Variants in SNX29 observed in about 807,000 individuals in gnomAD.
The protein encoded by SNX29 is sorting nexin-29.
SNX29 carries 78 observed loss-of-function variants against 102.1 expected under a neutral mutation model. That is an observed-to-expected ratio of 0.76 (90% CI 0.64 to 0.92). The LOEUF (loss-of-function observed/expected upper bound fraction) is 0.92, where lower values mean the gene tolerates loss of function less well. Ranked by LOEUF, SNX29 falls within the 40% of genes least tolerant of loss-of-function variation. The probability of loss-of-function intolerance (pLI) is 0.00; values close to 1 mark genes in which losing one functional copy is unlikely to be tolerated. For synonymous variants in SNX29, 580 were observed against 414.5 expected (o/e 1.40, Z -4.85); for missense variants, 1,280 against 1,061.7 (o/e 1.21, Z -2.86).
At chr16:12,227,120 T>G (rs2077634326) in intron 14 of SNX29, among the ~76,000 whole-genome samples, 1 of 144,606 alleles carries the variant, frequency 6.9e-6, no homozygotes, top group Admixed American at 7.1e-5. Flanking sequence ...ATTGCTGTTG[T>G]CATGCAGTGC....
chr16:12,142,687 C>T (rs1335547423), intron 13 of SNX29, among the ~76,000 whole-genome samples: 1 of 151,700 alleles, frequency 6.6e-6, no homozygotes, highest in Non-Finnish European at 1.5e-5. Flanking sequence ...GCTCAGCCTC[C>T]CAAGTAGCTG....
intron 8 of SNX29, among the ~76,000 whole-genome samples, chr16:12,058,988 C>T (rs141201704): frequency 2.0e-5 from 3 of 151,280 alleles, no homozygotes; most frequent in Non-Finnish European, 2.9e-5. Context: ...AGACAGGGCT[C>T]GAACTCTTGG....
At chr16:12,066,777 G>A (rs1349340285) in intron 9 of SNX29, among the ~76,000 whole-genome samples, 1 of 151,716 alleles carries the variant, frequency 6.6e-6, no homozygotes. Context: ...GGGTTCCTTG[G>A]GCCATTCCAG....
chr16:12,478,055 G>T (rs1311003588), intron 19 of SNX29, among the ~76,000 whole-genome samples, 196 bp downstream of exon 19: 1 of 152,224 alleles, frequency 6.6e-6, no homozygotes, highest in African/African-American at 2.4e-5. Flanking sequence ...TCATGTGTGT[G>T]TGTATGTCCT....
chr16:12,129,520 C>A (rs1488104512), intron 12 of SNX29, 110 bp from the exon 13 acceptor site: 14 of 1,364,880 alleles, frequency 1.0e-5, no homozygotes, highest in African/African-American at 1.5e-5. Flanking sequence ...TTATGCAGAG[C>A]CTTGTGGAAA....
intron 18 of SNX29, among the ~76,000 whole-genome samples, chr16:12,426,600 A>T (rs1020786719): frequency 1.3e-5 from 2 of 152,242 alleles, no homozygotes; most frequent in Non-Finnish European, 2.9e-5. Flanking sequence ...ATGGTGATGT[A>T]GATCTAATTT....
At chr16:12,187,796 A>G (rs1890918550) in intron 13 of SNX29, among the ~76,000 whole-genome samples, 1 of 152,124 alleles carries the variant, frequency 6.6e-6, no homozygotes, top group Admixed American at 6.6e-5. Flanking sequence ...TTGGTACATT[A>G]GGGTATTCCA....
chr16:12,492,008 A>T (rs1242962976), intron 19 of SNX29, among the ~76,000 whole-genome samples: 2 of 152,184 alleles, frequency 1.3e-5, no homozygotes, highest in African/African-American at 4.8e-5. Flanking sequence ...GTGTGTCTTT[A>T]TAGCAGCATG....
chr16:12,158,889 G>A (rs994541861), intron 13 of SNX29, among the ~76,000 whole-genome samples: 1 of 152,176 alleles, frequency 6.6e-6, no homozygotes, highest in Non-Finnish European at 1.5e-5. Flanking sequence ...TCTAGTTAGT[G>A]CCCAGTAAAT....
At chr16:12,084,565 G>A (rs1397171602) in intron 11 of SNX29, among the ~76,000 whole-genome samples, 1 of 152,174 alleles carries the variant, frequency 6.6e-6, no homozygotes, top group Admixed American at 6.5e-5. Context: ...TTGCAGCTGT[G>A]CCTGTTGCTC....
chr16:12,080,082 A>G (rs1053722233), intron 11 of SNX29, among the ~76,000 whole-genome samples: 1 of 152,204 alleles, frequency 6.6e-6, no homozygotes, highest in African/African-American at 2.4e-5. Flanking sequence ...CCTAGATTAC[A>G]AAATGGGCTC....
chr16:12,568,302 G>A (rs1267928440), intron 20 of SNX29, among the ~76,000 whole-genome samples: 1 of 18,948 alleles, frequency 5.3e-5, no homozygotes, highest in African/African-American at 2.3e-4. Flanking sequence ...TCGGAGTGCT[G>A]TTAAAAAAAA....
At chr16:12,429,222 A>G (rs1301052242) in intron 18 of SNX29, among the ~76,000 whole-genome samples, 1 of 152,236 alleles carries the variant, frequency 6.6e-6, no homozygotes, top group Non-Finnish European at 1.5e-5. Context: ...CCTTCTAGTT[A>G]GTAACAACAC....
At chr16:12,521,091 G>T (rs912900533) in intron 19 of SNX29, among the ~76,000 whole-genome samples, 2 of 152,032 alleles carry the variant, frequency 1.3e-5, no homozygotes, top group African/African-American at 4.8e-5. Flanking sequence ...GAGGTAGGAG[G>T]ACTGCTTGAA....
At chr16:12,013,459 A>C (rs1216465350) in intron 3 of SNX29, among the ~76,000 whole-genome samples, 5 of 123,962 alleles carry the variant, frequency 4.0e-5, no homozygotes, top group Non-Finnish European at 8.2e-5. Flanking sequence ...CAGCCTGGCC[A>C]ACATAGTGAA....
intron 19 of SNX29, among the ~76,000 whole-genome samples, chr16:12,511,224 G>T (rs1217899104): frequency 6.6e-6 from 1 of 152,154 alleles, no homozygotes; most frequent in Non-Finnish European, 1.5e-5. Context: ...CAGGTCTCCT[G>T]TGGTCATGAA....
chr16:12,530,708 A>G (rs2076908688), intron 20 of SNX29, among the ~76,000 whole-genome samples: 1 of 152,118 alleles, frequency 6.6e-6, no homozygotes, highest in African/African-American at 2.4e-5. Context: ...AGTGGCCGCT[A>G]CCATGCCCAG....
chr16:12,193,887 G>A, intron 13 of SNX29, among the ~76,000 whole-genome samples: 1 of 152,200 alleles, frequency 6.6e-6, no homozygotes, highest in Non-Finnish European at 1.5e-5. Flanking sequence ...CTTGAGGGCT[G>A]TAGCTTTACA....
intron 19 of SNX29, among the ~76,000 whole-genome samples, chr16:12,519,070 G>A (rs1039023554): frequency 1.3e-5 from 2 of 152,170 alleles, no homozygotes; most frequent in African/African-American, 2.4e-5. Context: ...TATGTGGTCC[G>A]CTAATCAGGC....
Sources: allele counts gnomAD v4.1 joint callset (sites outside exome capture counted in the v4.1 genomes callset), GRCh38; gene constraint gnomAD v4.1.1; transcripts MANE v1.5; gene names NCBI Gene and HGNC (gene_info 2026-07-23, HGNC 2026-07-21).